Variants in PCDHA4 observed in about 807,000 individuals in gnomAD.
PCDHA4 encodes the protein protocadherin alpha-4.
Under a neutral mutation model 61.4 loss-of-function variants are expected in PCDHA4, and 49 were observed. That is an observed-to-expected ratio of 0.80 (90% CI 0.63 to 1.01). The LOEUF is 1.01. Ranked by LOEUF, PCDHA4 falls within the 50% of genes least tolerant of loss-of-function variation. The pLI, the probability that PCDHA4 is intolerant of heterozygous loss-of-function variation, is 0.00. For missense variants in PCDHA4, 1,254 were observed against 1,235.8 expected, an observed-to-expected ratio of 1.01 and a Z score of -0.22; for synonymous variants, 590 against 550.3, an observed-to-expected ratio of 1.07 and a Z score of -1.01.
At chr5:140,888,426 C>G (rs1315110358) in intron 1 of PCDHA4, among the ~76,000 whole-genome samples, 1 of 152,168 alleles carries the variant, frequency 6.6e-6, no homozygotes, top group Non-Finnish European at 1.5e-5. Flanking sequence ...CTACCGTGCA[C>G]AGGACAGCCG....
intron 1 of PCDHA4, chr5:140,877,349 T>C (rs1554169631): frequency 1.2e-6 from 2 of 1,613,984 alleles, no homozygotes; most frequent in Admixed American, 3.3e-5. Context: ...CACGTGGGGC[T>C]GTACACTGGC....
chr5:140,927,505 G>C, intron 1 of PCDHA4: 2 of 1,614,120 alleles, frequency 1.2e-6, no homozygotes, highest in Middle Eastern at 1.6e-4. Context: ...GGTGCTTACA[G>C]CTCGGGACGG....
At chr5:140,919,713 G>C (rs1370532221) in intron 1 of PCDHA4, among the ~76,000 whole-genome samples, 1 of 152,096 alleles carries the variant, frequency 6.6e-6, no homozygotes, top group African/African-American at 2.4e-5. Context: ...ATTCTAGTGA[G>C]ATATAAATAT....
At chr5:140,830,376 A>G in intron 1 of PCDHA4, 1 of 1,614,094 alleles carries the variant, frequency 6.2e-7, no homozygotes, top group South Asian at 1.1e-5. Context: ...TGCTCCGGGG[A>G]GGGCCCACCC....
chr5:140,813,949 G>A (rs2126651118), intron 1 of PCDHA4: 1 of 152,534 alleles, frequency 6.6e-6, no homozygotes, highest in Non-Finnish European at 1.5e-5. Flanking sequence ...AGTGAGCTAT[G>A]GTCGTGCCAC....
At chr5:140,855,178 G>T (rs1170062889) in intron 1 of PCDHA4, among the ~76,000 whole-genome samples, 1 of 149,594 alleles carries the variant, frequency 6.7e-6, no homozygotes, top group African/African-American at 2.5e-5. Flanking sequence ...AAACAAATGT[G>T]GCCAAATTGA....
intron 1 of PCDHA4, chr5:140,829,434 T>C: frequency 6.2e-7 from 1 of 1,613,976 alleles, no homozygotes. Flanking sequence ...GTGGCCGACA[T>C]GAATGACAAT....
At chr5:140,869,174 G>A (rs2050887580) in intron 1 of PCDHA4, 1 of 1,613,958 alleles carries the variant, frequency 6.2e-7, no homozygotes, top group Non-Finnish European at 8.5e-7. Flanking sequence ...CTCGAATTCT[G>A]GGAGGTGGGG....
At chr5:140,929,972 G>A (rs2086500191) in intron 1 of PCDHA4, 1 of 152,084 alleles carries the variant, frequency 6.6e-6, no homozygotes, top group South Asian at 2.1e-4. Flanking sequence ...TTTTGGTGAA[G>A]GTGTCTTCTT....
intron 1 of PCDHA4, chr5:140,835,304 T>C (rs2150233585): frequency 2.5e-6 from 4 of 1,612,734 alleles, no homozygotes; most frequent in Admixed American, 3.3e-5. Flanking sequence ...TGATAGGACA[T>C]ATGGATTTTG....
At chr5:140,939,317 A>T (rs2092365663) in intron 1 of PCDHA4, among the ~76,000 whole-genome samples, 1 of 152,148 alleles carries the variant, frequency 6.6e-6, no homozygotes, top group Admixed American at 6.5e-5. Flanking sequence ...CTACCTCCTA[A>T]TATCATAATC....
intron 1 of PCDHA4, among the ~76,000 whole-genome samples, chr5:140,939,804 G>A (rs2092463605): frequency 6.6e-6 from 1 of 152,140 alleles, no homozygotes; most frequent in Non-Finnish European, 1.5e-5. Flanking sequence ...TGTTCTGCAT[G>A]TTCAAGAAAA....
intron 1 of PCDHA4, among the ~76,000 whole-genome samples, chr5:140,917,183 A>T (rs2077937210): frequency 6.6e-6 from 1 of 152,132 alleles, no homozygotes; most frequent in African/African-American, 2.4e-5. Flanking sequence ...GTGATCCCAG[A>T]GTGTCTCTCC....
At chr5:140,863,300 C>G (rs1554158081) in intron 1 of PCDHA4, 16 of 1,463,970 alleles carry the variant, frequency 1.1e-5, no homozygotes, top group Non-Finnish European at 1.5e-5. Context: ...CTGATCATCG[C>G]CATCTGCGTG....
chr5:140,879,467 C>T (rs1331120758), intron 1 of PCDHA4, among the ~76,000 whole-genome samples: 1 of 152,040 alleles, frequency 6.6e-6, no homozygotes, highest in Admixed American at 6.6e-5. Context: ...TAAGAGAATA[C>T]CGTTGTGATT....
chr5:140,823,638 C>T (rs2150127747), intron 1 of PCDHA4: 14 of 1,613,898 alleles, frequency 8.7e-6, no homozygotes, highest in African/African-American at 2.7e-5. Flanking sequence ...GCATCCCGTT[C>T]CGCGTGGGGC....
chr5:140,869,481 TAACG>T (rs1306564737), intron 1 of PCDHA4: 1 of 1,613,970 alleles, frequency 6.2e-7, no homozygotes, highest in African/African-American at 1.3e-5. Flanking sequence ...TGAAGGACAT[TAACG>T]ACAACCCGCC....
intron 1 of PCDHA4, among the ~76,000 whole-genome samples, chr5:140,892,282 ACTT>A (rs1405766060): frequency 1.3e-5 from 2 of 152,178 alleles, no homozygotes; most frequent in African/African-American, 4.8e-5. Flanking sequence ...TGTATTAAAC[ACTT>A]CTTCCTGGAA....
intron 1 of PCDHA4, among the ~76,000 whole-genome samples, chr5:140,924,871 G>C: frequency 6.7e-6 from 1 of 149,164 alleles, no homozygotes; most frequent in Non-Finnish European, 1.5e-5. Flanking sequence ...CTCCAGCCTG[G>C]GTGACAGAGC....
Sources: gnomAD v4.1 joint callset for allele counts (sites outside exome capture counted in the v4.1 genomes callset) on GRCh38, gnomAD v4.1.1 for gene constraint, MANE v1.5 for transcripts, NCBI Gene and HGNC (gene_info 2026-07-23, HGNC 2026-07-21) for gene names.